Variants in ABCC8 observed in about 807,000 individuals in gnomAD.
ABCC8 encodes ATP binding cassette subfamily C member 8, also known as ATP-binding cassette sub-family C member 8.
In ABCC8, 137 loss-of-function variants were observed where a neutral mutation model predicts 188.0. The ratio of observed to expected loss-of-function variants is 0.73; its 90% CI spans 0.63 to 0.84. The LOEUF (loss-of-function observed/expected upper bound fraction) is 0.84, where lower values mean the gene tolerates loss of function less well. ABCC8 is among the 40% of genes least tolerant of loss of function. The probability of loss-of-function intolerance (pLI) is 0.00; values close to 1 mark genes in which losing one functional copy is unlikely to be tolerated. For synonymous variants in ABCC8, 797 were observed against 846.5 expected (o/e 0.94, Z 1.01); for missense variants, 1,750 against 2,072.7 (o/e 0.84, Z 3.02).
chr11:17,469,963 T>G (rs970460993), intron 3 of ABCC8, 138 bp downstream of exon 3: 1 of 1,104,948 alleles, frequency 9.1e-7, no homozygotes, highest in Non-Finnish European at 1.3e-6. Context: ...GTAAGCTCCA[T>G]GAAGGCAGGG....
intron 1 of ABCC8, among the ~76,000 whole-genome samples, chr11:17,475,855 T>G (rs2133733186): frequency 6.6e-6 from 1 of 152,324 alleles, no homozygotes. Context: ...GTTGATAGAC[T>G]TGACTGGTCT....
chr11:17,442,799 G>C lies in ABCC8; in HGVS notation c.1551C>G (p.Ile517Met). Residue 517 changes from isoleucine to methionine, a missense_variant, in exon 10 of 39, where the codon ATC becomes ATG. Physicochemically the swap from Ile to Met is conservative, Grantham distance 10. Transcript: ENST00000389817. ...KLLKLYAWEN[I>M]FRTRVETTRR... ...GGGTCGTCTCCACCCGCGTGCGGAAGATGTTCTCCCAGGCGTACAGCTTCA... is the reference window on the plus strand; with the variant it reads ...GGGTCGTCTCCACCCGCGTGCGGAACATGTTCTCCCAGGCGTACAGCTTCA... 1 of 1,614,146 alleles carries C rather than the reference G, an allele frequency of 6.2e-7. No homozygotes were observed. Among genetic ancestry groups the C allele is most frequent in the Non-Finnish European group, 8.5e-7 (1 of 1,180,042 alleles).
intron 21 of ABCC8, among the ~76,000 whole-genome samples, chr11:17,411,146 C>A (rs542422562): frequency 1.0e-3 from 152 of 152,330 alleles, no homozygotes; most frequent in African/African-American, 3.5e-3. Flanking sequence ...ACCAGTTCCT[C>A]CTGCATCCTG....
intron 30 of ABCC8, 132 bp downstream of exon 30, chr11:17,398,206 TG>T: frequency 1.6e-6 from 2 of 1,218,736 alleles, no homozygotes; most frequent in Non-Finnish European, 2.4e-6. Context: ...CCACCAGGGC[TG>T]GGGGAAGCAG....
At chr11:17,436,029 G>A (rs79902668) in intron 10 of ABCC8, 2 of 1,242,168 alleles carry the variant, frequency 1.6e-6, no homozygotes, top group South Asian at 1.2e-5. Context: ...GGGGAGATAT[G>A]GGACAGTTTG....
chr11:17,430,325 C>T (rs546877145), intron 12 of ABCC8: 13 of 282,796 alleles, frequency 4.6e-5, no homozygotes, highest in South Asian at 1.6e-4. Flanking sequence ...CAGGACCCAG[C>T]GCTTGGGGGA....
At chr11:17,442,334 CA>C (rs1188858001) in intron 10 of ABCC8, among the ~76,000 whole-genome samples, 1 of 152,230 alleles carries the variant, frequency 6.6e-6, no homozygotes, top group East Asian at 1.9e-4. Context: ...AGGGCAATGA[CA>C]GCTCAGTCTG....
At chr11:17,443,458 A>T in intron 8 of ABCC8, 146 bp from the exon 9 acceptor site, 3 of 1,363,456 alleles carry the variant, frequency 2.2e-6, no homozygotes, top group Admixed American at 2.0e-5. Context: ...AGTGGAGTGC[A>T]GGGAAGGAGG....
intron 16 of ABCC8, among the ~76,000 whole-genome samples, chr11:17,420,762 G>A (rs1266532472): frequency 2.0e-5 from 3 of 152,182 alleles, no homozygotes; most frequent in Non-Finnish European, 4.4e-5. Flanking sequence ...CCCCCCGGGG[G>A]CATTTAAAGT....
intron 7 of ABCC8, among the ~76,000 whole-genome samples, chr11:17,450,556 G>A (rs1336755866): frequency 1.3e-5 from 2 of 149,878 alleles, no homozygotes; most frequent in African/African-American, 4.9e-5. Flanking sequence ...CACCATGCCT[G>A]GCTAATTTTT....
intron 16 of ABCC8, among the ~76,000 whole-genome samples, chr11:17,425,610 G>T (rs557343883): frequency 6.6e-6 from 1 of 152,274 alleles, no homozygotes; most frequent in East Asian, 1.9e-4. Flanking sequence ...CCTCTGCCCA[G>T]GTTGCTGAAC....
intron 7 of ABCC8, among the ~76,000 whole-genome samples, chr11:17,451,513 T>C (rs1956815581): frequency 6.6e-6 from 1 of 152,240 alleles, no homozygotes; most frequent in African/African-American, 2.4e-5. Context: ...TATTCCAAGA[T>C]AGCCAGAGTT....
intron 8 of ABCC8, among the ~76,000 whole-genome samples, chr11:17,445,900 G>A (rs904099347): frequency 1.3e-4 from 20 of 152,042 alleles, no homozygotes; most frequent in African/African-American, 4.1e-4. Flanking sequence ...CGATGCATGT[G>A]CAACAAACCC....
chr11:17,466,829 C>A (rs1397064415), intron 3 of ABCC8, among the ~76,000 whole-genome samples: 4 of 151,996 alleles, frequency 2.6e-5, no homozygotes, highest in Non-Finnish European at 4.4e-5. Flanking sequence ...CCACGCCCAG[C>A]TAATTTTTAT....
chr11:17,476,628 C>T lies in ABCC8; in HGVS notation c.148+1G>A, dbSNP rs766312766. The T allele has an allele frequency of 6.2e-7, 1 of 1,611,820 alleles. No individual in the cohort carries two copies. ...CTCCGCGGCTCGCTGCGCGCACTCA[C>T]CAATGAAGAGGATGGGGAAGGTGAT... On this transcript the variant is annotated splice_donor_variant, in intron 1 of 38. Coordinates refer to ENST00000389817, the MANE Select transcript of ABCC8 (RefSeq NM_000352.6). LOFTEE classifies it high-confidence loss of function.
At chr11:17,432,180 G>C (rs1955879027) in intron 11 of ABCC8, 24 bp downstream of exon 11, 6 of 1,552,124 alleles carry the variant, frequency 3.9e-6, no homozygotes, top group Non-Finnish European at 5.2e-6. Context: ...CTACCCCCAA[G>C]AGATGGAGAA....
At chr11:17,414,307 C>T (rs1222979760) in intron 19 of ABCC8, among the ~76,000 whole-genome samples, 1 of 150,974 alleles carries the variant, frequency 6.6e-6, no homozygotes, top group Non-Finnish European at 1.5e-5. Context: ...CTGCCCTCTC[C>T]CCTATGGGAG....
intron 7 of ABCC8, among the ~76,000 whole-genome samples, chr11:17,450,390 C>G (rs947949922): frequency 1.8e-5 from 2 of 108,362 alleles, no homozygotes; most frequent in Non-Finnish European, 3.9e-5. Context: ...CCTTTCCTTT[C>G]CTTCTTTCTT....
chr11:17,410,399 C>G (rs1351376047), intron 22 of ABCC8, 117 bp downstream of exon 22: 6 of 1,192,170 alleles, frequency 5.0e-6, no homozygotes, highest in African/African-American at 4.5e-5. Flanking sequence ...GTGCTGGTCT[C>G]TTATGCTTTG....
Sources: gnomAD v4.1 joint callset for allele counts (sites outside exome capture counted in the v4.1 genomes callset) on GRCh38, gnomAD v4.1.1 for gene constraint, MANE v1.5 for transcripts, NCBI Gene and HGNC (gene_info 2026-07-23, HGNC 2026-07-21) for gene names.